The following SLC35D2 variants were observed in gnomAD, a reference collection of about 807,000 sequenced individuals.
SLC35D2 encodes nucleotide sugar transporter SLC35D2.
Under a neutral mutation model 41.8 loss-of-function variants are expected in SLC35D2, and 43 were observed. The ratio of observed to expected loss-of-function variants is 1.03; its 90% CI spans 0.81 to 1.33. The LOEUF (loss-of-function observed/expected upper bound fraction) is 1.33. SLC35D2 is among the 40% of genes most tolerant of loss of function. The pLI is 0.00. For synonymous variants in SLC35D2, 150 were observed against 163.9 expected (o/e 0.92, Z 0.65); for missense variants, 380 against 408.4 (o/e 0.93, Z 0.60).
rs191235943 is a variant in SLC35D2 at position 96,345,369 on chromosome 9, A to C, written c.521T>G (p.Ile174Ser). The C allele has an allele frequency of 1.2e-6, 2 of 1,609,338 alleles. No homozygotes were observed. Among genetic ancestry groups the C allele is most frequent in the East Asian group, 4.5e-5 (2 of 44,814 alleles). ...GAAGATATCATTCAGGAATACAAAA[A>C]TATAGCCTTCTAAGTTAAAAGCAAG... ...SDLAFNLEGY[I>S]FVFLNDIFTA... is the part of the protein sequence containing the mutation. Residue 174 changes from isoleucine to serine, a missense_variant, in exon 7 of 12, where the codon ATT (isoleucine) becomes AGT (serine). By Grantham distance (142) the Ile-to-Ser change is moderately radical. Transcript: ENST00000253270.
chr9:96,333,241 A>G (rs184434542), intron 9 of SLC35D2, among the ~76,000 whole-genome samples: 107 of 151,556 alleles, frequency 7.1e-4, no homozygotes, highest in African/African-American at 2.4e-3. Context: ...ATAATGTATT[A>G]ATAATTCTTA....
chr9:96,317,878 A>G (rs1828093370), downstream of SLC35D2, among the ~76,000 whole-genome samples: 1 of 151,804 alleles, frequency 6.6e-6, no homozygotes, highest in African/African-American at 2.4e-5. Flanking sequence ...CAAAAAAAAA[A>G]AAAAAATAGC....
chr9:96,322,233 T>C (rs945387960), intron 10 of SLC35D2, among the ~76,000 whole-genome samples, 153 bp from the exon 11 acceptor site: 1 of 152,190 alleles, frequency 6.6e-6, no homozygotes, highest in Non-Finnish European at 1.5e-5. Flanking sequence ...TAAAAACCAT[T>C]ACAGGCCAGG....
chr9:96,318,693 G>A (rs905813005), downstream of SLC35D2, among the ~76,000 whole-genome samples: 1 of 152,012 alleles, frequency 6.6e-6, no homozygotes, highest in African/African-American at 2.4e-5. Flanking sequence ...CCAGGCAGGT[G>A]AGCCTGTAGT....
intron 3 of SLC35D2, among the ~76,000 whole-genome samples, chr9:96,361,517 T>C (rs1235684939): frequency 6.6e-6 from 1 of 151,962 alleles, no homozygotes; most frequent in Non-Finnish European, 1.5e-5. Context: ...TGAGACCGTC[T>C]CTACAAAAAT....
At chr9:96,356,638 G>A (rs1830038680) in intron 4 of SLC35D2, among the ~76,000 whole-genome samples, 1 of 152,012 alleles carries the variant, frequency 6.6e-6, no homozygotes, top group South Asian at 2.1e-4. Flanking sequence ...GGAGGCTGAG[G>A]CAGGTGGATC....
At position 96,322,099 on chromosome 9, in the gene SLC35D2, G is replaced by C; in HGVS notation, c.832-19C>G. 6.8e-7 allele frequency: 1 copy of C among 1,478,892 alleles called. No homozygotes were observed. Among genetic ancestry groups the C allele is most frequent in the African/African-American group, 1.4e-5 (1 of 71,622 alleles). 91.6% of individuals were successfully genotyped at this position (1,478,892 alleles called of 1,614,324 possible). A position where few individuals can be genotyped will look rare whatever the true frequency, so the allele number is the denominator to read the frequency against. Reference sequence around the variant, plus strand: ...ATACATTCTGCAGAAAAAGAGAGAGGATTCGTCATTTTAAAAGTAAACTGT... The same window carrying C: ...ATACATTCTGCAGAAAAAGAGAGAGCATTCGTCATTTTAAAAGTAAACTGT... On this transcript the variant is annotated intron_variant, in intron 10 of 11. Transcript: ENST00000253270.
intron 6 of SLC35D2, 192 bp downstream of exon 6, chr9:96,350,911 A>G: frequency 2.0e-6 from 1 of 496,760 alleles, no homozygotes; most frequent in East Asian, 2.9e-5. Flanking sequence ...ATTCTCAGAA[A>G]TTTTCTGGCC....
At chr9:96,352,888 A>G (rs1197055773) in intron 4 of SLC35D2, among the ~76,000 whole-genome samples, 1 of 151,926 alleles carries the variant, frequency 6.6e-6, no homozygotes, top group Non-Finnish European at 1.5e-5. Context: ...AAATACAAAA[A>G]TTAGCCAGGC....
intron 9 of SLC35D2, among the ~76,000 whole-genome samples, chr9:96,325,683 TA>T (rs1554709508): frequency 2.0e-5 from 3 of 152,100 alleles, no homozygotes; most frequent in Non-Finnish European, 4.4e-5. Context: ...ATTAATTAAT[TA>T]ATTAATTAGT....
intron 4 of SLC35D2, among the ~76,000 whole-genome samples, chr9:96,356,070 G>C (rs1229045330): frequency 1.3e-5 from 2 of 152,182 alleles, no homozygotes; most frequent in Non-Finnish European, 2.9e-5. Flanking sequence ...AACTGGGGCA[G>C]GGGGAGTGAG....
At chr9:96,335,822 G>C (rs1017506840) in intron 9 of SLC35D2, among the ~76,000 whole-genome samples, 33 of 152,016 alleles carry the variant, frequency 2.2e-4, no homozygotes, top group Admixed American at 2.0e-4. Flanking sequence ...GGGAGGCTGA[G>C]GTGGGCAGAT....
chr9:96,330,358 G>C (rs1175809678), intron 9 of SLC35D2, among the ~76,000 whole-genome samples: 1 of 152,142 alleles, frequency 6.6e-6, no homozygotes, highest in Non-Finnish European at 1.5e-5. Flanking sequence ...TGGGTTCCCA[G>C]GTATTCCTTA....
In SLC35D2 at chr9:96,336,721, A is replaced by C; in HGVS notation, c.748T>G (p.Leu250Val). Residue 250 changes from leucine (L) to valine (V), a missense_variant, in exon 9 of 12, where the codon TTG becomes GTG. Physicochemically the swap from Leu to Val is conservative, Grantham distance 32. Coordinates refer to ENST00000253270, the MANE Select transcript of SLC35D2 (RefSeq NM_007001.3). ...TACTTATCTATGGTTTCTTACCCCA[A>C]AAAACAGGAAAGAAGAAACTGTAGG... ...FILQFLLSCF[L>V]GFLLMYSTVL... 1 of 1,575,456 alleles carries C rather than the reference A, an allele frequency of 6.3e-7. No homozygotes were observed. The highest frequency in any genetic ancestry group is 8.7e-7 in the Non-Finnish European group (1 of 1,150,970).
intron 3 of SLC35D2, among the ~76,000 whole-genome samples, chr9:96,362,870 G>GTTT (rs534159570): frequency 7.2e-6 from 1 of 138,992 alleles, no homozygotes; most frequent in South Asian, 2.3e-4. Context: ...TCCCTGTTTT[G>GTTT]TTTTTTTTTT....
intron 8 of SLC35D2, among the ~76,000 whole-genome samples, chr9:96,341,945 A>T (rs867103711): frequency 8.8e-5 from 13 of 147,578 alleles, no homozygotes; most frequent in Middle Eastern, 3.4e-3. Flanking sequence ...TTGGAAAAAA[A>T]AAATATATAT....
At chr9:96,326,880 C>T (rs1360954222) in intron 9 of SLC35D2, among the ~76,000 whole-genome samples, 2 of 151,778 alleles carry the variant, frequency 1.3e-5, no homozygotes, top group Admixed American at 1.3e-4. Flanking sequence ...AATTTAGATT[C>T]CCAGGAGCTA....
chr9:96,360,739 A>T (rs921883566), intron 3 of SLC35D2, among the ~76,000 whole-genome samples: 1 of 151,614 alleles, frequency 6.6e-6, no homozygotes, highest in African/African-American at 2.4e-5. Context: ...AGATTAGCAA[A>T]ATTTATTTAT....
intron 9 of SLC35D2, among the ~76,000 whole-genome samples, chr9:96,324,706 C>T (rs1828435282): frequency 6.6e-6 from 1 of 152,108 alleles, no homozygotes; most frequent in Non-Finnish European, 1.5e-5. Flanking sequence ...GCTCATGCCG[C>T]CATACCCAGC....
Sources: allele counts gnomAD v4.1 joint callset (sites outside exome capture counted in the v4.1 genomes callset), GRCh38; gene constraint gnomAD v4.1.1; transcripts MANE v1.5; gene names NCBI Gene and HGNC (gene_info 2026-07-23, HGNC 2026-07-21).